Variants in VPS13A observed in about 807,000 individuals in gnomAD.
VPS13A encodes intermembrane lipid transfer protein VPS13A.
A neutral mutation model predicts 390.9 loss-of-function variants in VPS13A; 264 were observed. That is an observed-to-expected ratio of 0.68 (90% CI 0.61 to 0.75). VPS13A has a LOEUF of 0.75. Among genes scored for constraint, VPS13A ranks in the 30% least tolerant of loss-of-function variants. VPS13A has a pLI of 0.00. For missense variants in VPS13A, 3,409 were observed against 3,733.9 expected (o/e 0.91, Z 2.27); for synonymous variants, 1,231 against 1,227.1 (o/e 1.00, Z -0.07).
intron 67 of VPS13A, among the ~76,000 whole-genome samples, chr9:77,380,068 G>A (rs1370410618): frequency 6.6e-6 from 1 of 151,904 alleles, no homozygotes; most frequent in Non-Finnish European, 1.5e-5. Context: ...TTATCTTTTT[G>A]ATGGATTGAC....
At chr9:77,346,930 C>T (rs1245472285) in intron 52 of VPS13A, among the ~76,000 whole-genome samples, 1 of 152,122 alleles carries the variant, frequency 6.6e-6, no homozygotes, top group Admixed American at 6.5e-5. Context: ...AGTCCCTTCA[C>T]TAGAATAAGG....
At chr9:77,235,649 A>C (rs1339637556) in intron 17 of VPS13A, among the ~76,000 whole-genome samples, 1 of 152,022 alleles carries the variant, frequency 6.6e-6, no homozygotes, top group African/African-American at 2.4e-5. Flanking sequence ...TCTTTTTCTC[A>C]TGTCCTTCGG....
intron 43 of VPS13A, 44 bp downstream of exon 43, chr9:77,321,371 T>G: frequency 1.3e-6 from 2 of 1,582,140 alleles, no homozygotes; most frequent in Non-Finnish European, 1.7e-6. Context: ...GATACTTGTC[T>G]GATTGATCTG....
At chr9:77,238,520 T>G (rs1236356878) in intron 19 of VPS13A, 134 bp downstream of exon 19, 2 of 756,336 alleles carry the variant, frequency 2.6e-6, no homozygotes, top group Non-Finnish European at 4.5e-6. Context: ...TAACAGAAAC[T>G]AATTTAGTAC....
chr9:77,385,701 A>T (rs1449078963), intron 68 of VPS13A, among the ~76,000 whole-genome samples: 1 of 152,088 alleles, frequency 6.6e-6, no homozygotes, highest in Non-Finnish European at 1.5e-5. Flanking sequence ...TTTAATCCCT[A>T]TGACTGCTGT....
At chr9:77,318,659 C>A in intron 41 of VPS13A, 68 bp downstream of exon 41, 1 of 1,288,594 alleles carries the variant, frequency 7.8e-7, no homozygotes, top group Non-Finnish European at 1.1e-6. Context: ...GATAATGATA[C>A]ATATGGAATA....
chr9:77,400,776 C>T (rs1157157574), intron 68 of VPS13A, among the ~76,000 whole-genome samples: 2 of 148,174 alleles, frequency 1.3e-5, no homozygotes, highest in Non-Finnish European at 3.0e-5. Context: ...TGCAGTGAGC[C>T]GAGATCGCAT....
intron 46 of VPS13A, among the ~76,000 whole-genome samples, chr9:77,336,852 AG>A (rs1196647097): frequency 7.7e-6 from 1 of 130,590 alleles, no homozygotes; most frequent in Non-Finnish European, 1.5e-5. Context: ...GCTGGAGTGC[AG>A]TGGCGCAATC....
chr9:77,348,999 A>G (rs1831314136), intron 52 of VPS13A, among the ~76,000 whole-genome samples: 2 of 152,196 alleles, frequency 1.3e-5, no homozygotes, highest in Admixed American at 6.5e-5. Flanking sequence ...AATGAAGAGT[A>G]TGATTTTGTT....
chr9:77,365,078 G>A (rs1020300599), intron 59 of VPS13A, among the ~76,000 whole-genome samples: 1 of 152,136 alleles, frequency 6.6e-6, no homozygotes, highest in African/African-American at 2.4e-5. Flanking sequence ...TTACTGATCT[G>A]TGTAGGATGC....
At chr9:77,286,346 G>A (rs575992415) in intron 31 of VPS13A, among the ~76,000 whole-genome samples, 2 of 152,290 alleles carry the variant, frequency 1.3e-5, no homozygotes, top group Admixed American at 1.3e-4. Context: ...CAGGAAGTCT[G>A]GAGGCAGTAG....
At chr9:77,383,502 A>G (rs1238224995) in intron 68 of VPS13A, among the ~76,000 whole-genome samples, 1 of 152,056 alleles carries the variant, frequency 6.6e-6, no homozygotes, top group East Asian at 1.9e-4. Context: ...ACAAGTTACT[A>G]ACATTTTACT....
chr9:77,351,503 G>T lies in VPS13A; in HGVS notation c.7419+57G>T, dbSNP rs1831465063. On this transcript the variant is annotated intron_variant, in intron 53 of 71. Coordinates refer to ENST00000360280, the MANE Select transcript of VPS13A (RefSeq NM_033305.3). Reference sequence around the variant, plus strand: ...AGCCTTTTTTAAAAAAGGTATTTGGGCCGGGTGCGGTGGCTCACGCCTGTA... The same window carrying T: ...AGCCTTTTTTAAAAAAGGTATTTGGTCCGGGTGCGGTGGCTCACGCCTGTA... The T allele has an allele frequency of 3.8e-6, 6 of 1,594,242 alleles. No individual in the cohort carries two copies. In the Admixed American group the frequency reaches 1.0e-4, roughly 27 times the overall value.
chr9:77,331,315 ATCAATT>A (rs1830263790), intron 45 of VPS13A, among the ~76,000 whole-genome samples: 3 of 152,126 alleles, frequency 2.0e-5, no homozygotes, highest in Admixed American at 2.0e-4. Flanking sequence ...AAGTTATTTT[ATCAATT>A]TACATTCTAC....
Position 77,323,116 on chromosome 9 carries a change from A to G in VPS13A, c.5880A>G (p.Gly1960=), listed in dbSNP as rs1378987175. ...ATAAGATTCCTTTAACAAAAGTGGG[A>G]CGACGTCTGTACACTGTAAGACACA... ...TADKIPLTKV[G]RRLYTVRHRE... The change falls in exon 45 of 72, where the codon GGA becomes GGG. Residue 1960 remains glycine, a synonymous_variant. Transcript: ENST00000360280. The G allele has an allele frequency of 6.2e-7, 1 of 1,613,148 alleles. No individual in the cohort carries two copies. Among genetic ancestry groups the G allele is most frequent in the Non-Finnish European group, 8.5e-7 (1 of 1,179,456 alleles).
chr9:77,267,479 G>A (rs1023878173), intron 23 of VPS13A, among the ~76,000 whole-genome samples: 1 of 152,198 alleles, frequency 6.6e-6, no homozygotes, highest in Non-Finnish European at 1.5e-5. Context: ...CTGTTTCCCT[G>A]GGTATCACCA....
intron 31 of VPS13A, among the ~76,000 whole-genome samples, chr9:77,288,352 G>C (rs1272684070): frequency 2.6e-5 from 4 of 152,008 alleles, no homozygotes; most frequent in Non-Finnish European, 5.9e-5. Context: ...CTCTTCTTAA[G>C]GTGGAAGTTT....
intron 13 of VPS13A, among the ~76,000 whole-genome samples, chr9:77,224,301 A>G (rs1405636393): frequency 6.6e-6 from 1 of 152,188 alleles, no homozygotes; most frequent in African/African-American, 2.4e-5. Flanking sequence ...ATTATTTAAG[A>G]AGTACATTTT....
chr9:77,226,567 T>C lies in VPS13A; in HGVS notation c.1326T>C (p.Thr442=). 1.2e-6 allele frequency: 2 copies of C among 1,612,970 alleles called. No individual in the cohort carries two copies. The highest frequency in any genetic ancestry group is 2.2e-5 in the East Asian group (1 of 44,724). The change falls in exon 15 of 72, where the codon ACT becomes ACC. Residue 442 remains threonine (T), a synonymous_variant. Coordinates refer to ENST00000360280, the MANE Select transcript of VPS13A (RefSeq NM_033305.3). ...TATGGTCTTGGTCAGAACAAAATACTAATGAACAGCAACCAGATGTTCAAC... is the reference window on the plus strand; with the variant it reads ...TATGGTCTTGGTCAGAACAAAATACCAATGAACAGCAACCAGATGTTCAAC... ...SWLWSWSEQN[T]NEQQPDVQPE... is the part of the protein sequence containing the mutation.
Sources: allele counts gnomAD v4.1 joint callset (sites outside exome capture counted in the v4.1 genomes callset), GRCh38; gene constraint gnomAD v4.1.1; transcripts MANE v1.5; gene names NCBI Gene and HGNC (gene_info 2026-07-23, HGNC 2026-07-21).